Variants in SORCS2 observed in about 807,000 individuals in gnomAD.
SORCS2 encodes VPS10 domain-containing receptor SorCS2.
A neutral mutation model predicts 141.6 loss-of-function variants in SORCS2; 100 were observed. The ratio of observed to expected loss-of-function variants is 0.71; its 90% CI spans 0.60 to 0.83. SORCS2 has a LOEUF of 0.83. SORCS2 is among the 40% of genes least tolerant of loss of function. SORCS2 has a pLI of 0.00. For missense variants in SORCS2, 1,646 were observed against 1,560.2 expected, an observed-to-expected ratio of 1.05 and a Z score of -0.93; for synonymous variants, 789 against 676.9, an observed-to-expected ratio of 1.17 and a Z score of -2.57.
At position 7,663,932 on chromosome 4, in the gene SORCS2, A is replaced by G. The variant is rs1187931049; in HGVS notation, c.953-421A>G. Among the ~76,000 whole-genome samples, 1 of 152,136 alleles carries G rather than the reference A, an allele frequency of 6.6e-6. No individual in the cohort carries two copies. Among genetic ancestry groups the G allele is most frequent in the Non-Finnish European group, 1.5e-5 (1 of 68,016 alleles). On this transcript the variant is annotated intron_variant, in intron 6 of 26. Transcript: ENST00000507866. This position sits in a 1 kb window ranked among gnomAD's most constrained non-coding sequence, Gnocchi z 4.8. ...CATTCAGTATTGCTCAACCATAAAT[A>G]TTTGGAAAAGGGTAGAAGCAGTTGC...
intron 3 of SORCS2, among the ~76,000 whole-genome samples, chr4:7,576,243 G>A (rs935321463): frequency 1.2e-4 from 19 of 152,194 alleles, no homozygotes; most frequent in Middle Eastern, 3.2e-3. Flanking sequence ...TCCTGGCCCC[G>A]GGAGTCATCG....
At chr4:7,571,404 G>A (rs55935147) in intron 3 of SORCS2, among the ~76,000 whole-genome samples, 33,492 of 152,056 alleles carry the variant, frequency 0.22, 3,896 homozygotes, top group Middle Eastern at 0.28. Context: ...GCAGGACCCT[G>A]GATGGGTTGG....
intron 3 of SORCS2, among the ~76,000 whole-genome samples, chr4:7,532,775 T>C (rs1427075499): frequency 6.6e-6 from 1 of 152,088 alleles, no homozygotes; most frequent in Non-Finnish European, 1.5e-5. Flanking sequence ...TCATGGGATG[T>C]CCTCTCTCTT....
chr4:7,290,453 T>G (rs1169963009), intron 1 of SORCS2, among the ~76,000 whole-genome samples: 2 of 152,160 alleles, frequency 1.3e-5, no homozygotes, highest in African/African-American at 2.4e-5. Flanking sequence ...GGAACCTAGT[T>G]GATTTTTTTC....
chr4:7,303,964 G>A (rs1717616647), intron 1 of SORCS2, among the ~76,000 whole-genome samples: 1 of 152,268 alleles, frequency 6.6e-6, no homozygotes, highest in African/African-American at 2.4e-5. Flanking sequence ...CTGCACATGT[G>A]TGATTTTGTG....
intron 22 of SORCS2, 87 bp downstream of exon 22, chr4:7,728,549 A>G: frequency 1.1e-6 from 1 of 946,220 alleles, no homozygotes; most frequent in Non-Finnish European, 1.6e-6. Context: ...GCTCAGGGAA[A>G]GGAGAGGCGG....
rs112871916 is a variant in SORCS2, at chr4:7,474,492, G to T, written c.549-57038G>T. 1.6e-3 allele frequency among the ~76,000 whole-genome samples: 242 copies of T among 152,328 alleles called. 1 individual carries two copies. The highest frequency in any genetic ancestry group is 5.5e-3 in the African/African-American group (228 of 41,570). On this transcript the variant is annotated intron_variant, in intron 2 of 26. Coordinates refer to ENST00000507866, the MANE Select transcript of SORCS2 (RefSeq NM_020777.3). ...TGGGCCAGCCCTAGGGCTGATGTCC[G>T]CAGCACGGTCCCTGGCTGCAGGAGG...
In SORCS2 at chr4:7,193,252, G is replaced by A. The variant is rs1004963032; in HGVS notation, c.480+126G>A. 8.2e-6 allele frequency: 10 copies of A among 1,225,182 alleles called. No homozygotes were observed. The highest frequency in any genetic ancestry group is 2.9e-4 in the Middle Eastern group (1 of 3,436). 75.9% of individuals were successfully genotyped at this position (1,225,182 alleles called of 1,614,324 possible). A position where few individuals can be genotyped will look rare whatever the true frequency, so the allele number is the denominator to read the frequency against. ...ATCAGGGGCGGGTTCTTGGCGACTT[G>A]GGCACTTGGGTCACCTCGGCCGCGC... On this transcript the variant is annotated intron_variant, in intron 1 of 26. Coordinates refer to ENST00000507866, the MANE Select transcript of SORCS2 (RefSeq NM_020777.3). The surrounding 1 kb of genome is among the most constrained non-coding windows in gnomAD (Gnocchi z 4.8).
chr4:7,711,525 C>T (rs1221278931), intron 14 of SORCS2, among the ~76,000 whole-genome samples: 1 of 152,102 alleles, frequency 6.6e-6, no homozygotes, highest in Non-Finnish European at 1.5e-5. Context: ...TGGAGAAGGC[C>T]CAGGGAAGAG....
chr4:7,325,436 A>G (rs1239975789), intron 1 of SORCS2, among the ~76,000 whole-genome samples: 1 of 152,156 alleles, frequency 6.6e-6, no homozygotes, highest in Non-Finnish European at 1.5e-5. Flanking sequence ...GCAAGAAGGA[A>G]CAGCTGGAAA....
chr4:7,516,766 C>T lies in SORCS2; in HGVS notation c.549-14764C>T, dbSNP rs547878429. On this transcript the variant is annotated intron_variant, in intron 2 of 26. Coordinates refer to ENST00000507866, the MANE Select transcript of SORCS2 (RefSeq NM_020777.3). ...AACCAGGAAGGGAGCCTCCCCTTCT[C>T]GGCATGGTCCTAGCTGCCGTTGAAT... Among the ~76,000 whole-genome samples, 4 of 152,318 alleles carry T rather than the reference C, an allele frequency of 2.6e-5. No homozygotes were observed. The South Asian group carries it at 6.2e-4, about 24-fold the overall frequency.
chr4:7,222,695 G>A (rs1728782334), intron 1 of SORCS2, among the ~76,000 whole-genome samples: 1 of 152,124 alleles, frequency 6.6e-6, no homozygotes, highest in South Asian at 2.1e-4. Context: ...CACGTGCTGT[G>A]GTCAGGCTTC....
Position 7,704,141 on chromosome 4 carries a change from C to T in SORCS2, c.1761-36C>T, listed in dbSNP as rs1490848606. 2.1e-5 allele frequency: 34 copies of T among 1,582,836 alleles called. No individual in the cohort carries two copies. The Admixed American group carries it at 5.5e-4, about 26-fold the overall frequency. ...GTCCCAGACACAGGGAGCTTTCCAG[C>T]CCACCCCAGAGATGCTGACGATCTT... On this transcript the variant is annotated intron_variant, in intron 13 of 26. Transcript: ENST00000507866.
chr4:7,376,041 G>A (rs1190501599), intron 1 of SORCS2, among the ~76,000 whole-genome samples: 1 of 152,218 alleles, frequency 6.6e-6, no homozygotes, highest in Admixed American at 6.5e-5. Flanking sequence ...ACATAAGCTA[G>A]GTGACTGTGA....
chr4:7,376,617 C>T (rs908281227), intron 1 of SORCS2, among the ~76,000 whole-genome samples: 1 of 152,076 alleles, frequency 6.6e-6, no homozygotes, highest in Admixed American at 6.6e-5. Flanking sequence ...TCACTAATAC[C>T]CAGAGGTCAT....
In SORCS2 at chr4:7,498,298, G is replaced by A. The variant is rs75128327; in HGVS notation, c.549-33232G>A. Among the ~76,000 whole-genome samples, 416 of 152,356 alleles carry A rather than the reference G, an allele frequency of 2.7e-3. 5 individuals carry two copies. The highest frequency in any genetic ancestry group is 8.9e-3 in the African/African-American group (369 of 41,584). On this transcript the variant is annotated intron_variant, in intron 2 of 26. Coordinates refer to ENST00000507866, the MANE Select transcript of SORCS2 (RefSeq NM_020777.3). The stretch of plus-strand genomic sequence containing the variant: ...GGTGACCCAGTCCCCTGCCTTGGCT[G>A]ATGTGGGGATCGCAACCCTTTGCTA...
chr4:7,388,129 C>T (rs1723595066), intron 1 of SORCS2, among the ~76,000 whole-genome samples: 1 of 150,760 alleles, frequency 6.6e-6, no homozygotes, highest in South Asian at 2.1e-4. Context: ...CACATGTGCA[C>T]ACAGATGCAC....
chr4:7,369,768 C>T (rs778609134), intron 1 of SORCS2, among the ~76,000 whole-genome samples: 11 of 152,164 alleles, frequency 7.2e-5, no homozygotes, highest in South Asian at 2.1e-4. Flanking sequence ...CAGATCCACC[C>T]GTGGATTTCG....
intron 4 of SORCS2, among the ~76,000 whole-genome samples, chr4:7,653,463 G>A (rs934991145): frequency 1.3e-5 from 2 of 152,034 alleles, no homozygotes; most frequent in African/African-American, 2.4e-5. Context: ...GGCTGGTCTC[G>A]AACTCCCAAC....
Sources: gnomAD v4.1 joint callset for allele counts (sites outside exome capture counted in the v4.1 genomes callset) on GRCh38, gnomAD v4.1.1 for gene constraint, Gnocchi (gnomAD v3.1) non-coding constraint, MANE v1.5 for transcripts, NCBI Gene and HGNC (gene_info 2026-07-23, HGNC 2026-07-21) for gene names.